DLG2: variants seen among roughly 807,000 people sequenced by gnomAD.
DLG2 encodes the protein discs large MAGUK scaffold protein 2, also known as disks large homolog 2.
A neutral mutation model predicts 132.5 loss-of-function variants in DLG2; 45 were observed. The observed-to-expected ratio is 0.34, with a 90% CI of 0.27 to 0.44. The LOEUF is 0.44. DLG2 is among the 20% of genes least tolerant of loss of function. The pLI is 1.00. For synonymous variants in DLG2, 424 were observed against 419.6 expected, an observed-to-expected ratio of 1.01 and a Z score of -0.13; for missense variants, 1,045 against 1,196.9, an observed-to-expected ratio of 0.87 and a Z score of 1.87.
intron 6 of DLG2, among the ~76,000 whole-genome samples, chr11:84,802,765 A>G (rs2153960456): frequency 6.6e-6 from 1 of 152,128 alleles, no homozygotes; most frequent in Admixed American, 6.5e-5. Flanking sequence ...GAAAAAAGCA[A>G]TTTACGCTCT....
At chr11:84,106,868 T>TGA (rs71465962) in intron 9 of DLG2, among the ~76,000 whole-genome samples, 3,620 of 137,478 alleles carry the variant, frequency 0.026, 140 homozygotes, top group African/African-American at 0.082. Context: ...TGTGTATGTG[T>TGA]GAGAGAGAGA....
At chr11:84,780,913 T>C (rs1341944835) in intron 6 of DLG2, among the ~76,000 whole-genome samples, 1 of 148,914 alleles carries the variant, frequency 6.7e-6, no homozygotes. Flanking sequence ...CTCAGTTGTT[T>C]AGAACGGCTG....
At chr11:85,021,309 A>T in intron 6 of DLG2, 1 of 1,258,434 alleles carries the variant, frequency 7.9e-7, no homozygotes, top group Admixed American at 1.7e-5. Flanking sequence ...AATCCCACTG[A>T]AAGTCATAGT....
At chr11:83,629,073 T>C (rs1049399360) in intron 19 of DLG2, among the ~76,000 whole-genome samples, 2 of 152,168 alleles carry the variant, frequency 1.3e-5, no homozygotes, top group Admixed American at 1.3e-4. Flanking sequence ...TATCAGAGCT[T>C]CAAAAATTAC....
chr11:85,029,999 C>A (rs1174566370), intron 6 of DLG2, among the ~76,000 whole-genome samples: 1 of 152,144 alleles, frequency 6.6e-6, no homozygotes, highest in Non-Finnish European at 1.5e-5. Context: ...TGTTTCTGTA[C>A]CTCACTTCTG....
At chr11:84,625,007 C>T (rs560760956) in intron 6 of DLG2, among the ~76,000 whole-genome samples, 3 of 149,546 alleles carry the variant, frequency 2.0e-5, no homozygotes, top group East Asian at 3.9e-4. Flanking sequence ...ACTACAGGCG[C>T]CCGCCACTAC....
At chr11:85,337,538 G>T (rs1405412691) in intron 3 of DLG2, among the ~76,000 whole-genome samples, 2 of 152,166 alleles carry the variant, frequency 1.3e-5, no homozygotes, top group Non-Finnish European at 2.9e-5. Flanking sequence ...TAAGATGCAA[G>T]ACTGTACATT....
At chr11:84,894,113 T>G (rs2089854726) in intron 6 of DLG2, among the ~76,000 whole-genome samples, 1 of 152,128 alleles carries the variant, frequency 6.6e-6, no homozygotes, top group African/African-American at 2.4e-5. Flanking sequence ...CTGATTAAAC[T>G]TTCTCATCTT....
At chr11:85,056,166 G>A (rs1279668954) in intron 6 of DLG2, among the ~76,000 whole-genome samples, 1 of 152,020 alleles carries the variant, frequency 6.6e-6, no homozygotes, top group African/African-American at 2.4e-5. Flanking sequence ...TATTAGAAAA[G>A]ATCTTTGAAA....
chr11:84,814,035 A>G (rs908914640), intron 6 of DLG2, among the ~76,000 whole-genome samples: 1 of 152,136 alleles, frequency 6.6e-6, no homozygotes, highest in African/African-American at 2.4e-5. Flanking sequence ...GAAATAGTCT[A>G]TTTGATTCCT....
Position 85,238,314 on chromosome 11 carries a change from G to A in DLG2, c.186+46906C>T, listed in dbSNP as rs371536916. 3.3e-4 allele frequency among the ~76,000 whole-genome samples: 49 copies of A among 150,370 alleles called. 1 individual carries two copies. In the East Asian group the frequency reaches 7.3e-3, roughly 22 times the overall value. Reference sequence around the variant, plus strand: ...GCTGGAATGCAGAGGCACTATCTTGGCTCACTGCAACCTCTCCCTCCTGGG... The same window carrying A: ...GCTGGAATGCAGAGGCACTATCTTGACTCACTGCAACCTCTCCCTCCTGGG... On this transcript the variant is annotated intron_variant, in intron 4 of 27. Transcript: ENST00000376104.
intron 4 of DLG2, among the ~76,000 whole-genome samples, chr11:85,231,207 T>C (rs763125009): frequency 2.1e-4 from 32 of 151,998 alleles, no homozygotes; most frequent in Non-Finnish European, 3.5e-4. Flanking sequence ...GACTATTTGA[T>C]GTTGCACCAA....
At chr11:84,362,701 T>C (rs561369641) in intron 7 of DLG2, among the ~76,000 whole-genome samples, 49 of 152,110 alleles carry the variant, frequency 3.2e-4, no homozygotes, top group African/African-American at 1.1e-3. Context: ...GATGTTCCCC[T>C]TCCTGTGTCC....
intron 4 of DLG2, among the ~76,000 whole-genome samples, chr11:85,216,980 C>T (rs550122816): frequency 1.1e-4 from 17 of 151,990 alleles, no homozygotes; most frequent in Non-Finnish European, 2.4e-4. Flanking sequence ...AGGTGTGAGC[C>T]GCCGCGCCTG....
chr11:84,754,143 G>T (rs1380114614), intron 6 of DLG2, among the ~76,000 whole-genome samples: 1 of 152,132 alleles, frequency 6.6e-6, no homozygotes. Context: ...AAAAATATGG[G>T]AAAGGGTAAA....
intron 6 of DLG2, among the ~76,000 whole-genome samples, chr11:84,704,372 G>A (rs2059561858): frequency 6.6e-6 from 1 of 151,446 alleles, no homozygotes; most frequent in Admixed American, 6.6e-5. Context: ...TCAGAGTTTG[G>A]CAGACTTGAG....
At chr11:84,365,086 G>A (rs1287773036) in intron 7 of DLG2, among the ~76,000 whole-genome samples, 2 of 152,142 alleles carry the variant, frequency 1.3e-5, no homozygotes, top group Non-Finnish European at 2.9e-5. Context: ...CAGAAGGAAT[G>A]GTACCAGTTT....
At chr11:84,456,364 C>T (rs2099065336) in intron 7 of DLG2, among the ~76,000 whole-genome samples, 2 of 151,156 alleles carry the variant, frequency 1.3e-5, no homozygotes, top group Admixed American at 6.6e-5. Context: ...TTCTAGGAGC[C>T]TATCTCATAT....
At position 84,759,046 on chromosome 11, in the gene DLG2, T is replaced by G. The variant is rs886348524; in HGVS notation, c.358-224315A>C. Among the ~76,000 whole-genome samples the G allele has an allele frequency of 3.9e-5, 6 of 151,904 alleles. No individual in the cohort carries two copies. The South Asian group carries it at 1.2e-3, about 32-fold the overall frequency. On this transcript the variant is annotated intron_variant, in intron 6 of 27. Transcript: ENST00000376104. Reference sequence around the variant, plus strand: ...GCACGCACCACCATGCCTGGCTAATTTTTGTATTTTTAGTAGAGATGGGGC... The same window carrying G: ...GCACGCACCACCATGCCTGGCTAATGTTTGTATTTTTAGTAGAGATGGGGC...
Sources: allele counts gnomAD v4.1 joint callset (sites outside exome capture counted in the v4.1 genomes callset), GRCh38; gene constraint gnomAD v4.1.1; transcripts MANE v1.5; gene names NCBI Gene and HGNC (gene_info 2026-07-23, HGNC 2026-07-21).